The following LINGO2 variants were observed in gnomAD, a reference collection of about 807,000 sequenced individuals.
The protein encoded by LINGO2 is leucine rich repeat and Ig domain containing 2.
LINGO2 carries 14 observed loss-of-function variants against 30.6 expected under a neutral mutation model. The observed-to-expected ratio is 0.46, with a 90% CI of 0.30 to 0.72. The LOEUF is 0.72. LINGO2 is among the 30% of genes least tolerant of loss of function. The pLI is 0.07. For synonymous variants in LINGO2, 317 were observed against 288.5 expected, an observed-to-expected ratio of 1.10 and a Z score of -1.00; for missense variants, 729 against 751.7, an observed-to-expected ratio of 0.97 and a Z score of 0.35.
At chr9:28,204,241 C>T (rs763038172) in intron 4 of LINGO2, among the ~76,000 whole-genome samples, 19 of 152,142 alleles carry the variant, frequency 1.2e-4, no homozygotes, top group Admixed American at 2.6e-4. Context: ...CATACACACA[C>T]GTGCATGCAC....
At chr9:28,243,667 T>A (rs1316736700) in intron 4 of LINGO2, among the ~76,000 whole-genome samples, 1 of 151,824 alleles carries the variant, frequency 6.6e-6, no homozygotes, top group Non-Finnish European at 1.5e-5. Flanking sequence ...CGGGTTGGAT[T>A]CCTAGTTCCT....
At chr9:28,098,644 C>T (rs1826320030) in intron 4 of LINGO2, among the ~76,000 whole-genome samples, 1 of 152,042 alleles carries the variant, frequency 6.6e-6, no homozygotes. Context: ...GGTCACTGGC[C>T]AAGGCACATG....
chr9:28,774,288 A>G, the LINGO2 span, among the ~76,000 whole-genome samples: 1 of 152,180 alleles, frequency 6.6e-6, no homozygotes, highest in Non-Finnish European at 1.5e-5. Flanking sequence ...AAGACCTCCT[A>G]AAACGGTTCA....
At chr9:28,577,451 C>T (rs1824045411) in intron 1 of LINGO2, among the ~76,000 whole-genome samples, 3 of 152,164 alleles carry the variant, frequency 2.0e-5, no homozygotes, top group Admixed American at 2.0e-4. Context: ...ATTGCATTCC[C>T]CAACCAATCA....
chr9:28,925,969 T>A, the LINGO2 span, among the ~76,000 whole-genome samples: 2 of 152,080 alleles, frequency 1.3e-5, no homozygotes, highest in South Asian at 4.1e-4. Context: ...GGCAGTGAAA[T>A]GAGGAAATTC....
chr9:28,671,573 T>C (rs1308761068), upstream of LINGO2, among the ~76,000 whole-genome samples: 1 of 144,752 alleles, frequency 6.9e-6, no homozygotes, highest in Non-Finnish European at 1.5e-5. Flanking sequence ...TTCTCACTTA[T>C]AAGTGGAAGC....
chr9:28,492,868 A>T (rs562625312), intron 1 of LINGO2, among the ~76,000 whole-genome samples: 2 of 152,270 alleles, frequency 1.3e-5, no homozygotes, highest in South Asian at 4.1e-4. Context: ...CGGTGAGGGG[A>T]GCGGGCGGGT....
the LINGO2 span, among the ~76,000 whole-genome samples, chr9:28,782,413 T>C: frequency 6.6e-6 from 1 of 152,268 alleles, no homozygotes; most frequent in East Asian, 1.9e-4. Flanking sequence ...TGTTATGTGC[T>C]GAGGATGCAA....
the LINGO2 span, among the ~76,000 whole-genome samples, chr9:29,066,135 G>A: frequency 6.6e-6 from 1 of 151,762 alleles, no homozygotes; most frequent in South Asian, 2.1e-4. Context: ...AGTCTCGCAA[G>A]TTATTAATAT....
intron 2 of LINGO2, among the ~76,000 whole-genome samples, chr9:28,390,605 A>G (rs1821788511): frequency 6.6e-6 from 1 of 151,264 alleles, no homozygotes; most frequent in African/African-American, 2.4e-5. Context: ...TTCAGAATGG[A>G]GTTTACGATC....
At chr9:28,701,787 C>A in the LINGO2 span, among the ~76,000 whole-genome samples, 1 of 151,872 alleles carries the variant, frequency 6.6e-6, no homozygotes, top group Non-Finnish European at 1.5e-5. Flanking sequence ...ACTATCTCTC[C>A]ATTTGGTACT....
At chr9:28,678,171 T>A in the LINGO2 span, among the ~76,000 whole-genome samples, 3 of 151,958 alleles carry the variant, frequency 2.0e-5, no homozygotes, top group African/African-American at 2.4e-5. Context: ...TTTATTTTTT[T>A]AATGTTTAAT....
chr9:28,217,017 A>G (rs545233586), intron 4 of LINGO2, among the ~76,000 whole-genome samples: 7 of 151,924 alleles, frequency 4.6e-5, no homozygotes, highest in Admixed American at 2.0e-4. Context: ...TTTTGCATCA[A>G]TGAGAAAAGC....
the LINGO2 span, among the ~76,000 whole-genome samples, chr9:29,142,928 ATAAC>A: frequency 6.6e-6 from 1 of 152,056 alleles, no homozygotes; most frequent in Non-Finnish European, 1.5e-5. Context: ...CAAAACTGGT[ATAAC>A]TAACAAACTC....
intron 3 of LINGO2, among the ~76,000 whole-genome samples, chr9:28,337,638 G>C (rs1825633114): frequency 6.6e-6 from 1 of 152,128 alleles, no homozygotes; most frequent in Admixed American, 6.5e-5. Flanking sequence ...GCAGCCTTGG[G>C]ACATGGTTCC....
chr9:28,253,493 T>C (rs1284841011), intron 4 of LINGO2, among the ~76,000 whole-genome samples: 1 of 152,186 alleles, frequency 6.6e-6, no homozygotes, highest in African/African-American at 2.4e-5. Context: ...CAGAGGTAAA[T>C]ATATTCCTAG....
chr9:28,863,584 A>C, the LINGO2 span: 3 of 521,122 alleles, frequency 5.8e-6, no homozygotes, highest in Non-Finnish European at 1.2e-5. Context: ...TCAGTAAAGG[A>C]ATCTTAGGCT....
At chr9:28,098,763 G>C (rs1339471090) in intron 4 of LINGO2, among the ~76,000 whole-genome samples, 1 of 152,152 alleles carries the variant, frequency 6.6e-6, no homozygotes, top group Admixed American at 6.6e-5. Context: ...CAATGAGAAT[G>C]TTACACAGAA....
Position 28,267,264 on chromosome 9 carries a change from A to AT in LINGO2, c.-87+27943dup, listed in dbSNP as rs78720683. On this transcript the variant is annotated intron_variant, in intron 4 of 5. Coordinates refer to ENST00000379992, the Ensembl canonical transcript of LINGO2. ...TGTTTAAATCCATTACAATACCACC[A>AT]TTTTTTTTTCTGTCATTCACCTCTG... 2.8e-3 allele frequency among the ~76,000 whole-genome samples: 419 copies of AT among 150,576 alleles called. 4 individuals are homozygous for AT. Among genetic ancestry groups the AT allele is most frequent in the Admixed American group, 0.011 (173 of 15,078 alleles).
Sources: gnomAD v4.1 joint callset for allele counts (sites outside exome capture counted in the v4.1 genomes callset) on GRCh38, gnomAD v4.1.1 for gene constraint, MANE v1.5 for transcripts, NCBI Gene and HGNC (gene_info 2026-07-23, HGNC 2026-07-21) for gene names.